GRID2: variants seen among roughly 807,000 people sequenced by gnomAD.
The protein encoded by GRID2 is glutamate ionotropic receptor delta type subunit 2.
GRID2 carries 33 observed loss-of-function variants against 114.8 expected under a neutral mutation model. The observed-to-expected ratio is 0.29, with a 90% CI of 0.22 to 0.38. GRID2 has a LOEUF of 0.38. Among genes scored for constraint, GRID2 ranks in the 10% least tolerant of loss-of-function variants. GRID2 has a pLI of 1.00. For missense variants in GRID2, 1,184 were observed against 1,257.7 expected (o/e 0.94, Z 0.89); for synonymous variants, 505 against 449.9 (o/e 1.12, Z -1.55).
At chr4:92,849,829 T>C (rs1382254987) in intron 2 of GRID2, among the ~76,000 whole-genome samples, 2 of 151,904 alleles carry the variant, frequency 1.3e-5, no homozygotes, top group Non-Finnish European at 2.9e-5. Context: ...TTTGTACTTA[T>C]TTTCCTTGTT....
chr4:92,391,498 T>C (rs1356214681), intron 1 of GRID2, among the ~76,000 whole-genome samples: 1 of 152,170 alleles, frequency 6.6e-6, no homozygotes, highest in Non-Finnish European at 1.5e-5. Flanking sequence ...CCATTCATAC[T>C]GTATATCATG....
chr4:93,477,712 T>G (rs1343004288), intron 11 of GRID2, among the ~76,000 whole-genome samples: 1 of 152,172 alleles, frequency 6.6e-6, no homozygotes, highest in African/African-American at 2.4e-5. Context: ...AACAAGCTAC[T>G]TTCAGTGGAT....
At chr4:93,358,911 T>C (rs1218006208) in intron 8 of GRID2, among the ~76,000 whole-genome samples, 2 of 152,112 alleles carry the variant, frequency 1.3e-5, no homozygotes, top group East Asian at 3.9e-4. Context: ...TATTTAACAA[T>C]GGGAAGAAAG....
chr4:93,660,641 T>C (rs1233665757), intron 14 of GRID2, among the ~76,000 whole-genome samples: 1 of 152,180 alleles, frequency 6.6e-6, no homozygotes, highest in African/African-American at 2.4e-5. Context: ...ATTATAAATA[T>C]GTCAAAAATT....
chr4:93,511,986 C>G (rs893620432), intron 12 of GRID2, among the ~76,000 whole-genome samples: 3 of 151,770 alleles, frequency 2.0e-5, no homozygotes, highest in Non-Finnish European at 4.4e-5. Context: ...AGGGTTTTGC[C>G]ATGTTGGCCA....
chr4:93,458,074 T>G (rs970818545), intron 11 of GRID2, among the ~76,000 whole-genome samples: 2 of 152,124 alleles, frequency 1.3e-5, no homozygotes, highest in Non-Finnish European at 2.9e-5. Context: ...TGAGGACCAC[T>G]GGCCCATACA....
chr4:93,163,356 G>GTATATATATATATATATA (rs57285537), intron 4 of GRID2, among the ~76,000 whole-genome samples: 1 of 56,274 alleles, frequency 1.8e-5, no homozygotes, highest in Non-Finnish European at 3.2e-5. Flanking sequence ...TTTTTTTTGT[G>GTATATATATATATATATA]TATATATATA....
At chr4:92,661,151 A>G (rs1732493116) in intron 2 of GRID2, among the ~76,000 whole-genome samples, 1 of 150,832 alleles carries the variant, frequency 6.6e-6, no homozygotes, top group South Asian at 2.1e-4. Flanking sequence ...GGGAGAATGG[A>G]GAATTTTTTT....
chr4:92,876,163 T>C (rs1345199823), intron 2 of GRID2, among the ~76,000 whole-genome samples: 2 of 152,016 alleles, frequency 1.3e-5, no homozygotes, highest in Non-Finnish European at 2.9e-5. Context: ...TTTGTAATGT[T>C]TAGAAATGTC....
rs1398325189 is a variant in GRID2 at position 93,346,885 on chromosome 4, A to C, written c.1246-48722A>C. ...TTATTATTCTGTTTAATAATTCATAAATAGGAGTCCTGCTAAGTTTTGATA... is the reference window on the plus strand; with the variant it reads ...TTATTATTCTGTTTAATAATTCATACATAGGAGTCCTGCTAAGTTTTGATA... On this transcript the variant is annotated intron_variant, in intron 8 of 15. Coordinates refer to ENST00000282020, the MANE Select transcript of GRID2 (RefSeq NM_001510.4). Among the ~76,000 whole-genome samples the C allele has an allele frequency of 1.3e-5, 2 of 152,140 alleles. 1 individual carries two copies. Among genetic ancestry groups the C allele is most frequent in the Middle Eastern group, 6.3e-3 (2 of 316 alleles).
chr4:93,572,279 G>T lies in GRID2; in HGVS notation c.2194-53990G>T, dbSNP rs75098423. On this transcript the variant is annotated intron_variant, in intron 13 of 15. Coordinates refer to ENST00000282020, the MANE Select transcript of GRID2 (RefSeq NM_001510.4). The stretch of plus-strand genomic sequence containing the variant: ...TCAAAGAACCATAATCATTTAGAAG[G>T]CAGTATGAGAAGCATTTCATTTAGC... Among the ~76,000 whole-genome samples, 347 of 152,114 alleles carry T rather than the reference G, an allele frequency of 2.3e-3. 2 individuals are homozygous for T. Among genetic ancestry groups the T allele is most frequent in the Middle Eastern group, 6.8e-3 (2 of 294 alleles).
intron 1 of GRID2, among the ~76,000 whole-genome samples, chr4:92,378,884 C>A (rs1729481854): frequency 6.6e-6 from 1 of 151,866 alleles, no homozygotes; most frequent in African/African-American, 2.4e-5. Context: ...TTTTTATGTG[C>A]ACAAACCAGT....
intron 4 of GRID2, among the ~76,000 whole-genome samples, chr4:93,145,339 AT>A (rs1017562880): frequency 2.6e-5 from 4 of 151,916 alleles, no homozygotes; most frequent in African/African-American, 9.7e-5. Flanking sequence ...TTCAGTAATT[AT>A]TTTTTTGACT....
At chr4:93,536,317 G>T (rs1347384429) in intron 13 of GRID2, among the ~76,000 whole-genome samples, 2 of 151,844 alleles carry the variant, frequency 1.3e-5, no homozygotes, top group Non-Finnish European at 3.0e-5. Context: ...TTGCAAAGCT[G>T]TGGTAATCAA....
intron 1 of GRID2, among the ~76,000 whole-genome samples, chr4:92,316,882 T>C (rs1726011343): frequency 6.6e-6 from 1 of 152,198 alleles, no homozygotes; most frequent in Admixed American, 6.5e-5. Flanking sequence ...CACCATATTG[T>C]AGCTATAGGC....
At chr4:93,593,386 A>C (rs984611570) in intron 13 of GRID2, among the ~76,000 whole-genome samples, 1 of 127,616 alleles carries the variant, frequency 7.8e-6, no homozygotes, top group African/African-American at 3.0e-5. Flanking sequence ...ATTGGCCCCC[A>C]CTCTCTTCTG....
At chr4:93,171,460 A>G (rs1738814462) in intron 4 of GRID2, among the ~76,000 whole-genome samples, 1 of 152,214 alleles carries the variant, frequency 6.6e-6, no homozygotes, top group African/African-American at 2.4e-5. Context: ...CTCTTAAGAA[A>G]TTATCCTCAT....
chr4:92,447,578 C>A, intron 1 of GRID2, among the ~76,000 whole-genome samples: 1 of 152,138 alleles, frequency 6.6e-6, no homozygotes, highest in South Asian at 2.1e-4. Context: ...TATCTTAGTC[C>A]ACTTGGGCTG....
intron 2 of GRID2, among the ~76,000 whole-genome samples, chr4:92,623,783 A>G (rs1327758338): frequency 6.6e-6 from 1 of 151,786 alleles, no homozygotes; most frequent in East Asian, 1.9e-4. Flanking sequence ...TTGAGTTGGA[A>G]CTCAAGTTTT....
Sources: allele counts gnomAD v4.1 joint callset (sites outside exome capture counted in the v4.1 genomes callset), GRCh38; gene constraint gnomAD v4.1.1; transcripts MANE v1.5; gene names NCBI Gene and HGNC (gene_info 2026-07-23, HGNC 2026-07-21).